CRTAP: variants seen among roughly 807,000 people sequenced by gnomAD.
The protein encoded by CRTAP is cartilage associated protein, also known as cartilage-associated protein.
CRTAP carries 33 observed loss-of-function variants against 42.7 expected under a neutral mutation model. The ratio of observed to expected loss-of-function variants is 0.77; its 90% CI spans 0.59 to 1.03. CRTAP has a LOEUF of 1.03. Ranked by LOEUF, CRTAP falls within the 50% of genes least tolerant of loss-of-function variation. The pLI is 0.00. For missense variants in CRTAP, 613 were observed against 533.9 expected (o/e 1.15, Z -1.46); for synonymous variants, 243 against 217.7 (o/e 1.12, Z -1.02).
chr3:33,140,300 C>T (rs905612832), intron 6 of CRTAP, among the ~76,000 whole-genome samples: 6 of 152,152 alleles, frequency 3.9e-5, no homozygotes, highest in Non-Finnish European at 7.4e-5. Flanking sequence ...TCCTAGGATT[C>T]TTGGATTTGG....
At chr3:33,127,640 G>T (rs571122077) in intron 3 of CRTAP, among the ~76,000 whole-genome samples, 5 of 151,934 alleles carry the variant, frequency 3.3e-5, no homozygotes, top group African/African-American at 1.2e-4. Context: ...TAGAGACGGG[G>T]TTTCACCACG....
Position 33,129,639 on chromosome 3 carries a change from G to A in CRTAP, c.794-300G>A, listed in dbSNP as rs187120679. On this transcript the variant is annotated intron_variant, in intron 3 of 6. Coordinates refer to ENST00000320954, the MANE Select transcript of CRTAP (RefSeq NM_006371.5). ...TGCAAGCTCCACCTTCCGGGTTCAC[G>A]CCATTCTTCTGCCTCAGCCTCCTGA... Among the ~76,000 whole-genome samples the A allele has an allele frequency of 1.6e-4, 23 of 146,476 alleles. 1 individual carries two copies. In the East Asian group the frequency reaches 3.9e-3, roughly 25 times the overall value.
Position 33,114,152 on chromosome 3 carries a change from C to T in CRTAP, c.75C>T (p.Arg25=), listed in dbSNP as rs918303663. 2.5e-6 allele frequency: 4 copies of T among 1,582,412 alleles called. No homozygotes were observed. The African/African-American group carries it at 4.1e-5, about 16-fold the overall frequency. The stretch of plus-strand genomic sequence containing the variant: ...TGGCCTGCGCGCTGCGCGCCGGGCG[C>T]GCCCAATACGAACGCTACAGCTTCC... ...LCVACALRAG[R]AQYERYSFRS... is the part of the protein sequence containing the mutation. Residue 25 remains arginine (R), a synonymous_variant, in exon 1 of 7, where the codon CGC becomes CGT. Transcript: ENST00000320954.
chr3:33,114,227 C>G lies in CRTAP; in HGVS notation c.150C>G (p.His50Gln). 1 of 1,592,228 alleles carries G rather than the reference C, an allele frequency of 6.3e-7. No homozygotes were observed. Among genetic ancestry groups the G allele is most frequent in the Non-Finnish European group, 8.5e-7 (1 of 1,175,386 alleles). The change falls in exon 1 of 7, where the codon CAC (histidine) becomes CAG (glutamine). Residue 50 changes from histidine (H) to glutamine (Q), a missense_variant. Physicochemically the swap from His to Gln is conservative, Grantham distance 24 (BLOSUM62 0). Coordinates refer to ENST00000320954, the MANE Select transcript of CRTAP (RefSeq NM_006371.5). ...ELMPLESAYR[H>Q]ALDKYSGEHW... ...TGCCGCTCGAGTCGGCCTACCGGCA[C>G]GCGCTGGACAAGTACAGCGGCGAGC...
chr3:33,120,350 A>C lies in CRTAP; in HGVS notation c.478A>C (p.Asn160His), dbSNP rs779823511. 6.2e-7 allele frequency: 1 copy of C among 1,614,048 alleles called. No individual in the cohort carries two copies. The highest frequency in any genetic ancestry group is 8.5e-7 in the Non-Finnish European group (1 of 1,179,912). The stretch of plus-strand genomic sequence containing the variant: ...ATGTTCTTTGTCCTTTTAGGCAAAT[A>C]ATCTCCCCAAAGCCATCGCCGCTGC... ...FLQFAYFKANNLPKAIAAAHT... is the reference protein window; with the variant it reads ...FLQFAYFKANHLPKAIAAAHT... Residue 160 changes from asparagine to histidine, a missense_variant, in exon 2 of 7, where the codon AAT (asparagine) becomes CAT (histidine). Coordinates refer to ENST00000320954, the MANE Select transcript of CRTAP (RefSeq NM_006371.5).
At chr3:33,141,790 G>T (rs971787640) in intron 6 of CRTAP, among the ~76,000 whole-genome samples, 1 of 152,210 alleles carries the variant, frequency 6.6e-6, no homozygotes, top group African/African-American at 2.4e-5. Context: ...AAGGCTGATT[G>T]CAGAAGGAGG....
intron 3 of CRTAP, among the ~76,000 whole-genome samples, chr3:33,124,925 A>G (rs1313423897): frequency 3.3e-5 from 5 of 152,216 alleles, no homozygotes; most frequent in South Asian, 2.1e-4. Flanking sequence ...GATGATGGCA[A>G]TTTTCCAACA....
At chr3:33,131,654 G>GA (rs1323647883) in intron 4 of CRTAP, among the ~76,000 whole-genome samples, 6 of 152,116 alleles carry the variant, frequency 3.9e-5, no homozygotes, top group Non-Finnish European at 5.9e-5. Context: ...TGAGCTTCCT[G>GA]AAAATCTGCC....
At chr3:33,140,111 A>C (rs762064381) in intron 6 of CRTAP, among the ~76,000 whole-genome samples, 8 of 152,240 alleles carry the variant, frequency 5.3e-5, no homozygotes, top group Non-Finnish European at 1.2e-4. Flanking sequence ...AGAACAACAT[A>C]TATAGAAAGC....
chr3:33,120,497 T>C lies in CRTAP; in HGVS notation c.621+4T>C. 1 of 1,605,232 alleles carries C rather than the reference T, an allele frequency of 6.2e-7. No individual in the cohort carries two copies. The highest frequency in any genetic ancestry group is 1.1e-5 in the South Asian group (1 of 90,182). On this transcript the variant is annotated splice_donor_region_variant and intron_variant, in intron 2 of 6. Coordinates refer to ENST00000320954, the MANE Select transcript of CRTAP (RefSeq NM_006371.5). The stretch of plus-strand genomic sequence containing the variant: ...CCTGGAAACCAAGTCATATGAAGTA[T>C]GTTTGGATTTTTATGTGGCAGTTAG...
At chr3:33,123,652 CAG>C (rs1429339661) in intron 2 of CRTAP, among the ~76,000 whole-genome samples, 2 of 98,542 alleles carry the variant, frequency 2.0e-5, no homozygotes, top group African/African-American at 5.0e-5. Context: ...TTTTTTTTGA[CAG>C]AGTCTCGCTC....
At chr3:33,124,121 C>T (rs1481838944) in intron 2 of CRTAP, among the ~76,000 whole-genome samples, 1 of 152,200 alleles carries the variant, frequency 6.6e-6, no homozygotes, top group Non-Finnish European at 1.5e-5. Flanking sequence ...CTTCTGGCAG[C>T]CACTGATCTG....
At chr3:33,135,981 A>T (rs1188365041) in intron 6 of CRTAP, among the ~76,000 whole-genome samples, 1 of 152,192 alleles carries the variant, frequency 6.6e-6, no homozygotes, top group African/African-American at 2.4e-5. Flanking sequence ...TAACTTTAGA[A>T]CATTTTTATT....
chr3:33,114,437 G>A lies in CRTAP; in HGVS notation c.360G>A (p.Lys120=). The change falls in exon 1 of 7, where the codon AAG becomes AAA. Residue 120 remains lysine, a synonymous_variant. Coordinates refer to ENST00000320954, the MANE Select transcript of CRTAP (RefSeq NM_006371.5). The part of the protein sequence containing the change: ...GGLLRRAHCL[K]RCKQGLPAFR... ...TGCTGCGCCGCGCGCACTGCCTCAA[G>A]CGCTGCAAGCAGGGCCTGCCAGCCT... 1 of 1,570,196 alleles carries A rather than the reference G, an allele frequency of 6.4e-7. No individual in the cohort carries two copies. The highest frequency in any genetic ancestry group is 2.3e-5 in the East Asian group (1 of 42,790).
chr3:33,139,172 G>A (rs1468185044), intron 6 of CRTAP, among the ~76,000 whole-genome samples: 1 of 151,902 alleles, frequency 6.6e-6, no homozygotes, highest in African/African-American at 2.4e-5. Context: ...GTATGATGGT[G>A]CACATCTGTA....
chr3:33,118,492 A>C (rs951673142), intron 1 of CRTAP, among the ~76,000 whole-genome samples: 7 of 152,104 alleles, frequency 4.6e-5, no homozygotes, highest in South Asian at 2.1e-4. Context: ...TGCCCTCATC[A>C]CCACCCACCA....
chr3:33,130,525 C>CTTTTTTTTTTTTTTTTTTTTTTTTTTTT (rs765558103), intron 4 of CRTAP, among the ~76,000 whole-genome samples: 6 of 55,226 alleles, frequency 1.1e-4, no homozygotes, highest in African/African-American at 2.3e-4. Flanking sequence ...CTTTTCTTTT[C>CTTTTTTTTTTTTTTTTTTTTTTTTTTTT]TTTTTTTTTT....
chr3:33,124,603 A>G, intron 3 of CRTAP, 24 bp downstream of exon 3: 1 of 1,613,562 alleles, frequency 6.2e-7, no homozygotes, highest in Non-Finnish European at 8.5e-7. Flanking sequence ...CAATAGGCTC[A>G]CTACTCCCAT....
intron 3 of CRTAP, among the ~76,000 whole-genome samples, chr3:33,125,108 C>G (rs1342653694): frequency 6.6e-6 from 1 of 152,184 alleles, no homozygotes; most frequent in Non-Finnish European, 1.5e-5. Flanking sequence ...GCCCAGATTT[C>G]TCTATAGTGC....
Sources: allele counts gnomAD v4.1 joint callset (sites outside exome capture counted in the v4.1 genomes callset), GRCh38; gene constraint gnomAD v4.1.1; transcripts MANE v1.5; gene names NCBI Gene and HGNC (gene_info 2026-07-23, HGNC 2026-07-21).